ATP9A: variants seen among roughly 807,000 people sequenced by gnomAD.
The protein encoded by ATP9A is probable phospholipid-transporting ATPase IIA.
In ATP9A, 52 loss-of-function variants were observed where a neutral mutation model predicts 144.1. That is an observed-to-expected ratio of 0.36 (90% CI 0.29 to 0.45). ATP9A has a LOEUF of 0.45. Among genes scored for constraint, ATP9A ranks in the 20% least tolerant of loss-of-function variants. The pLI is 1.00. For synonymous variants in ATP9A, 582 were observed against 557.4 expected, an observed-to-expected ratio of 1.04 and a Z score of -0.62; for missense variants, 947 against 1,392.7, an observed-to-expected ratio of 0.68 and a Z score of 5.09.
At chr20:51,613,908 C>A in intron 22 of ATP9A, 76 bp from the exon 23 acceptor site, 1 of 1,432,444 alleles carries the variant, frequency 7.0e-7, no homozygotes, top group East Asian at 2.4e-5. Flanking sequence ...ACTGAAAAAG[C>A]AAGACATTGT....
At chr20:51,766,566 G>T (rs776029684) in intron 1 of ATP9A, among the ~76,000 whole-genome samples, 20 of 152,138 alleles carry the variant, frequency 1.3e-4, no homozygotes, top group Admixed American at 1.1e-3. Flanking sequence ...AGGAGGCCGG[G>T]CGCGGTGACT....
intron 26 of ATP9A, among the ~76,000 whole-genome samples, chr20:51,606,543 A>T (rs1223941968): frequency 6.6e-6 from 1 of 152,178 alleles, no homozygotes; most frequent in East Asian, 1.9e-4. Flanking sequence ...CAAAAAATAC[A>T]AAAATTAGCC....
intron 27 of ATP9A, among the ~76,000 whole-genome samples, chr20:51,604,218 A>G (rs1179604076): frequency 2.6e-5 from 4 of 152,150 alleles, no homozygotes; most frequent in Admixed American, 1.3e-4. Flanking sequence ...CCCAACGAGA[A>G]GGGCAGCTCC....
At chr20:51,711,581 G>C (rs1488524251) in intron 4 of ATP9A, among the ~76,000 whole-genome samples, 1 of 152,160 alleles carries the variant, frequency 6.6e-6, no homozygotes, top group Admixed American at 6.5e-5. Context: ...AATGGGATCA[G>C]TCATCTTAGG....
intron 14 of ATP9A, among the ~76,000 whole-genome samples, chr20:51,642,751 A>C (rs1480486264): frequency 3.4e-5 from 5 of 146,786 alleles, no homozygotes; most frequent in Admixed American, 6.8e-5. Flanking sequence ...AAAAAAAAAA[A>C]AAAAAAAAAA....
chr20:51,665,872 G>A (rs901933011), intron 13 of ATP9A, among the ~76,000 whole-genome samples: 1 of 152,116 alleles, frequency 6.6e-6, no homozygotes, highest in Non-Finnish European at 1.5e-5. Context: ...AAGCTTTCCT[G>A]CAGGAATCTT....
At position 51,657,033 on chromosome 20, in the gene ATP9A, G is replaced by A. The variant is rs772741106; in HGVS notation, c.1411C>T (p.Pro471Ser). Residue 471 changes from proline to serine, a missense_variant, in exon 14 of 28, where the codon CCC (proline) becomes TCC (serine). Physicochemically the swap from Pro to Ser is moderately conservative, Grantham distance 74. This residue lies in a region of ATP9A where 770 missense variants were observed against 1,047.9 expected (regional missense o/e 0.73). Transcript: ENST00000338821. ...GTCACACCGTTGGACTCATACACGG[G>A]AGTCACGTTGTGGCAGAGCGCGATG... ...KAIALCHNVT[P>S]VYESNGVTDQ... is the part of the protein sequence containing the mutation. 17 of 1,614,202 alleles carry A rather than the reference G, an allele frequency of 1.1e-5. No homozygotes were observed. Among genetic ancestry groups the A allele is most frequent in the Non-Finnish European group, 1.4e-5 (17 of 1,180,038 alleles).
chr20:51,752,930 C>T (rs1299846691), intron 1 of ATP9A, among the ~76,000 whole-genome samples: 1 of 152,132 alleles, frequency 6.6e-6, no homozygotes, highest in Admixed American at 6.6e-5. Flanking sequence ...TGGTCAAACC[C>T]TGTCTCTACT....
At chr20:51,620,617 G>A (rs1270158088) in intron 19 of ATP9A, among the ~76,000 whole-genome samples, 1 of 152,058 alleles carries the variant, frequency 6.6e-6, no homozygotes. Flanking sequence ...CCTTCCTGTT[G>A]ATGTGACTTA....
chr20:51,677,607 G>C (rs1196520987), intron 9 of ATP9A, among the ~76,000 whole-genome samples: 1 of 152,126 alleles, frequency 6.6e-6, no homozygotes, highest in African/African-American at 2.4e-5. Flanking sequence ...AACTATTATG[G>C]AAACTTGGAA....
intron 6 of ATP9A, among the ~76,000 whole-genome samples, chr20:51,694,738 G>A (rs2077563390): frequency 6.6e-6 from 1 of 152,170 alleles, no homozygotes; most frequent in Non-Finnish European, 1.5e-5. Flanking sequence ...CTTTCAGTCT[G>A]ACATACAGAT....
At chr20:51,710,000 C>T (rs1032673276) in intron 4 of ATP9A, among the ~76,000 whole-genome samples, 1 of 152,056 alleles carries the variant, frequency 6.6e-6, no homozygotes, top group African/African-American at 2.4e-5. Flanking sequence ...TTGAAAAGAA[C>T]ATTTTAAGAC....
At chr20:51,743,396 A>ATTTTTTTTTTTTTTTTTTTTTTT (rs769952209) in intron 1 of ATP9A, among the ~76,000 whole-genome samples, 1 of 89,856 alleles carries the variant, frequency 1.1e-5, no homozygotes. Flanking sequence ...ACCGAAACTG[A>ATTTTTTTTTTTTTTTTTTTTTTT]TTTTTTTTTT....
intron 9 of ATP9A, among the ~76,000 whole-genome samples, chr20:51,677,884 T>C (rs919532668): frequency 2.9e-4 from 44 of 152,210 alleles, no homozygotes; most frequent in Admixed American, 2.2e-3. Flanking sequence ...CCCAATTAGA[T>C]TGGCAAAAAT....
intron 4 of ATP9A, among the ~76,000 whole-genome samples, chr20:51,705,861 G>A (rs755863634): frequency 6.6e-6 from 1 of 152,174 alleles, no homozygotes; most frequent in Admixed American, 6.5e-5. Context: ...TGCTGGGTCT[G>A]CTACATCTCC....
At position 51,697,807 on chromosome 20, in the gene ATP9A, C is replaced by T. The variant is rs562262015; in HGVS notation, c.437-325G>A. Among the ~76,000 whole-genome samples, 23 of 152,262 alleles carry T rather than the reference C, an allele frequency of 1.5e-4. No individual in the cohort carries two copies. The South Asian group carries it at 4.8e-3, about 32-fold the overall frequency. On this transcript the variant is annotated intron_variant, in intron 4 of 27. Coordinates refer to ENST00000338821, the MANE Select transcript of ATP9A (RefSeq NM_006045.3). ...AGTCTTAATTTTCAACACCACTTAA[C>T]AGTGACTTAGATGCAAAGTACCGGG...
At position 51,627,700 on chromosome 20, in the gene ATP9A, G is replaced by A. The variant is rs758291988; in HGVS notation, c.1762-17C>T. On this transcript the variant is annotated splice_polypyrimidine_tract_variant and intron_variant, in intron 16 of 27. Coordinates refer to ENST00000338821, the MANE Select transcript of ATP9A (RefSeq NM_006045.3). ...GTTGCCACACTGAAAAATAGACCAC[G>A]GTCGAGTGGGAGCGGTGCTGAGAGC... The A allele has an allele frequency of 9.3e-6, 15 of 1,610,964 alleles. No individual in the cohort carries two copies. The highest frequency in any genetic ancestry group is 1.1e-5 in the South Asian group (1 of 91,010).
At chr20:51,609,796 C>T (rs1281926027) in intron 24 of ATP9A, among the ~76,000 whole-genome samples, 1 of 152,208 alleles carries the variant, frequency 6.6e-6, no homozygotes, top group African/African-American at 2.4e-5. Context: ...GCAAACCTTC[C>T]ACCTTGCTCT....
intron 4 of ATP9A, among the ~76,000 whole-genome samples, chr20:51,698,733 C>T (rs555931933): frequency 3.3e-5 from 5 of 152,222 alleles, no homozygotes; most frequent in South Asian, 2.1e-4. Flanking sequence ...CAATAACAGA[C>T]GAAAGGCACC....
Sources: allele counts gnomAD v4.1 joint callset (sites outside exome capture counted in the v4.1 genomes callset), GRCh38; gene constraint gnomAD v4.1.1; regional missense constraint gnomAD v4.1.1; transcripts MANE v1.5; gene names NCBI Gene and HGNC (gene_info 2026-07-23, HGNC 2026-07-21).